The following MAGI3 variants were observed in gnomAD, a reference collection of about 807,000 sequenced individuals.
MAGI3 encodes membrane associated guanylate kinase, WW and PDZ domain containing 3, also known as membrane-associated guanylate kinase, WW and PDZ domain-containing protein 3.
MAGI3 carries 43 observed loss-of-function variants against 121.8 expected under a neutral mutation model. The observed-to-expected ratio is 0.35, with a 90% CI of 0.28 to 0.46. MAGI3 has a LOEUF of 0.46. Ranked by LOEUF, MAGI3 falls within the 20% of genes least tolerant of loss-of-function variation. The pLI, the probability that MAGI3 is intolerant of heterozygous loss-of-function variation, is 1.00. For synonymous variants in MAGI3, 553 were observed against 639.3 expected, an observed-to-expected ratio of 0.86 and a Z score of 2.04; for missense variants, 1,547 against 1,797.3, an observed-to-expected ratio of 0.86 and a Z score of 2.52.
intron 2 of MAGI3, among the ~76,000 whole-genome samples, chr1:113,559,517 C>T (rs1660134986): frequency 6.6e-6 from 1 of 152,048 alleles, no homozygotes; most frequent in African/African-American, 2.4e-5. Flanking sequence ...GAGCCAACTA[C>T]CCTAAATATA....
rs748037014 is a variant in MAGI3, at chr1:113,641,880, T to C, written c.1361-31T>C. 35 of 1,523,090 alleles carry C rather than the reference T, an allele frequency of 2.3e-5. 1 individual carries two copies. The highest frequency in any genetic ancestry group is 2.8e-5 in the Non-Finnish European group (32 of 1,132,698). 94.3% of individuals were successfully genotyped at this position (1,523,090 alleles called of 1,614,324 possible). A position where few individuals can be genotyped will look rare whatever the true frequency, so the allele number is the denominator to read the frequency against. ...AAAAAATTAACTTATTTGTTGATTTTAATATTTTTAACATGATTATGTTTT... is the reference window on the plus strand; with the variant it reads ...AAAAAATTAACTTATTTGTTGATTTCAATATTTTTAACATGATTATGTTTT... On this transcript the variant is annotated intron_variant, in intron 9 of 20. Transcript: ENST00000307546.
At chr1:113,542,189 A>T (rs562375324) in intron 1 of MAGI3, among the ~76,000 whole-genome samples, 33 of 152,236 alleles carry the variant, frequency 2.2e-4, no homozygotes, top group African/African-American at 7.7e-4. Context: ...CAGATCCTAC[A>T]TATACTATGT....
At position 113,391,106 on chromosome 1, in the gene MAGI3, C is replaced by A; in HGVS notation, c.73C>A (p.Pro25Thr). 6.3e-7 allele frequency: 1 copy of A among 1,582,064 alleles called. No homozygotes were observed. Among genetic ancestry groups the A allele is most frequent in the Non-Finnish European group, 8.6e-7 (1 of 1,164,900 alleles). The stretch of plus-strand genomic sequence containing the variant: ...GGAGTGCGCCGTGTCCTGGGCCGGG[C>A]CCCCGGGCGACTTCGGCGCGGAGAT... ...VQECAVSWAG[P>T]PGDFGAEIRG... Residue 25 changes from proline to threonine, a missense_variant, in exon 1 of 21, where the codon CCC becomes ACC. Physicochemically the swap from Pro to Thr is conservative, Grantham distance 38 (BLOSUM62 -1). Coordinates refer to ENST00000307546, the MANE Select transcript of MAGI3 (RefSeq NM_001142782.2). This position sits in a 1 kb window ranked among gnomAD's most constrained non-coding sequence, Gnocchi z 4.4.
chr1:113,506,415 C>T (rs1278199210), intron 1 of MAGI3, among the ~76,000 whole-genome samples: 2 of 142,928 alleles, frequency 1.4e-5, no homozygotes, highest in African/African-American at 2.6e-5. Flanking sequence ...CCTCATATCC[C>T]TTTTTTTTTT....
chr1:113,646,402 A>G (rs1652843806), intron 11 of MAGI3, 84 bp from the exon 12 acceptor site: 1 of 1,124,200 alleles, frequency 8.9e-7, no homozygotes, highest in Non-Finnish European at 1.3e-6. Context: ...ATCAGTTGAC[A>G]TATCCATTTC....
chr1:113,489,116 T>C (rs1039415101), intron 1 of MAGI3, among the ~76,000 whole-genome samples: 4 of 152,144 alleles, frequency 2.6e-5, no homozygotes, highest in African/African-American at 7.2e-5. Context: ...TGAAATGCTT[T>C]CATTCACACC....
At chr1:113,621,490 A>G (rs1272642816) in intron 8 of MAGI3, among the ~76,000 whole-genome samples, 1 of 152,160 alleles carries the variant, frequency 6.6e-6, no homozygotes, top group Admixed American at 6.5e-5. Flanking sequence ...GCAAAATGAT[A>G]AACATAATTA....
chr1:113,508,309 A>G (rs1198848528), intron 1 of MAGI3, among the ~76,000 whole-genome samples: 2 of 152,214 alleles, frequency 1.3e-5, no homozygotes, highest in African/African-American at 4.8e-5. Context: ...GTGATTGAAA[A>G]TAGAAATCTT....
At chr1:113,478,601 T>C (rs1443977694) in intron 1 of MAGI3, among the ~76,000 whole-genome samples, 1 of 152,208 alleles carries the variant, frequency 6.6e-6, no homozygotes, top group Non-Finnish European at 1.5e-5. Flanking sequence ...TATTGCTGCC[T>C]GATCCTTCCT....
At chr1:113,677,700 A>G (rs189147656) in intron 19 of MAGI3, among the ~76,000 whole-genome samples, 2 of 152,180 alleles carry the variant, frequency 1.3e-5, no homozygotes, top group South Asian at 2.1e-4. Context: ...CTTTTTCCCT[A>G]TTCTTCCTAC....
intron 9 of MAGI3, among the ~76,000 whole-genome samples, chr1:113,630,128 C>G (rs1189827775): frequency 6.6e-6 from 1 of 152,118 alleles, no homozygotes; most frequent in Admixed American, 6.5e-5. Flanking sequence ...ACCTGGTATT[C>G]TATTCTATTC....
At chr1:113,649,371 C>T (rs1326582004) in intron 13 of MAGI3, 43 bp downstream of exon 13, 2 of 1,404,312 alleles carry the variant, frequency 1.4e-6, no homozygotes. Flanking sequence ...CCTGTTCAAA[C>T]GTTTTGAGTG....
At chr1:113,461,913 A>T (rs1377979595) in intron 1 of MAGI3, among the ~76,000 whole-genome samples, 1 of 152,248 alleles carries the variant, frequency 6.6e-6, no homozygotes, top group African/African-American at 2.4e-5. Context: ...AAAGGACATG[A>T]ACAGACACTT....
chr1:113,449,940 C>A (rs757669367), intron 1 of MAGI3: 9 of 1,520,002 alleles, frequency 5.9e-6, no homozygotes, highest in Middle Eastern at 1.7e-4. Flanking sequence ...GGTTGATGGG[C>A]GTGTAGTGGA....
At chr1:113,636,328 A>G (rs1013076172) in intron 9 of MAGI3, among the ~76,000 whole-genome samples, 5 of 152,066 alleles carry the variant, frequency 3.3e-5, no homozygotes, top group African/African-American at 1.2e-4. Context: ...TTAGGGTGTC[A>G]ATTTTGGATC....
intron 1 of MAGI3, among the ~76,000 whole-genome samples, chr1:113,400,029 T>C (rs983393893): frequency 2.0e-5 from 3 of 152,156 alleles, no homozygotes; most frequent in African/African-American, 7.2e-5. Flanking sequence ...CTGACTCTTA[T>C]ATAAAATGGG....
rs573452602 is a variant in MAGI3, at chr1:113,618,957, C to G, written c.1077-779C>G. On this transcript the variant is annotated intron_variant, in intron 7 of 20. Coordinates refer to ENST00000307546, the MANE Select transcript of MAGI3 (RefSeq NM_001142782.2). ...GCATTTCCTTTCTTAACCAACTCCA[C>G]TTAACTGGCTTGCCAGAAGAATAGT... 4.6e-5 allele frequency among the ~76,000 whole-genome samples: 7 copies of G among 152,372 alleles called. No individual in the cohort carries two copies. In the East Asian group the frequency reaches 1.3e-3, roughly 29 times the overall value.
At chr1:113,494,493 T>C (rs1656822769) in intron 1 of MAGI3, among the ~76,000 whole-genome samples, 1 of 152,226 alleles carries the variant, frequency 6.6e-6, no homozygotes, top group Admixed American at 6.5e-5. Context: ...TGTGTACCCT[T>C]GAACTTAAAT....
At chr1:113,640,337 C>G (rs915805243) in intron 9 of MAGI3, among the ~76,000 whole-genome samples, 1 of 152,146 alleles carries the variant, frequency 6.6e-6, no homozygotes, top group African/African-American at 2.4e-5. Flanking sequence ...CCTTAAGGAT[C>G]TTGAACCAGA....
Sources: gnomAD v4.1 joint callset for allele counts (sites outside exome capture counted in the v4.1 genomes callset) on GRCh38, gnomAD v4.1.1 for gene constraint, Gnocchi (gnomAD v3.1) non-coding constraint, MANE v1.5 for transcripts, NCBI Gene and HGNC (gene_info 2026-07-23, HGNC 2026-07-21) for gene names.